Variants in TUT4 observed in about 807,000 individuals in gnomAD.
TUT4 encodes the protein terminal uridylyltransferase 4.
TUT4 carries 36 observed loss-of-function variants against 192.2 expected under a neutral mutation model. The observed-to-expected ratio is 0.19, with a 90% confidence interval of 0.14 to 0.25. TUT4 has a LOEUF of 0.25. Ranked by LOEUF, TUT4 falls within the 10% of genes least tolerant of loss-of-function variation. TUT4 has a pLI of 1.00. For synonymous variants in TUT4, 618 were observed against 666.0 expected (o/e 0.93, Z 1.11); for missense variants, 1,493 against 1,957.2 (o/e 0.76, Z 4.47).
At chr1:52,503,250 G>C (rs1286653126) in intron 4 of TUT4, among the ~76,000 whole-genome samples, 1 of 152,046 alleles carries the variant, frequency 6.6e-6, no homozygotes, top group African/African-American at 2.4e-5. Flanking sequence ...ACTGTGCTAA[G>C]ATGGGAAAAA....
At chr1:52,546,476 T>C (rs2149740465) in intron 1 of TUT4, among the ~76,000 whole-genome samples, 1 of 152,264 alleles carries the variant, frequency 6.6e-6, no homozygotes, top group South Asian at 2.1e-4. Context: ...ATATGAGGTA[T>C]TTAGAGTAGT....
intron 2 of TUT4, among the ~76,000 whole-genome samples, chr1:52,522,512 T>G (rs1680548215): frequency 6.6e-6 from 1 of 152,350 alleles, no homozygotes; most frequent in African/African-American, 2.4e-5. Flanking sequence ...GATAAGCAGT[T>G]TATTGAAGGT....
intron 2 of TUT4, among the ~76,000 whole-genome samples, chr1:52,517,489 C>G (rs1679023138): frequency 6.6e-6 from 1 of 152,212 alleles, no homozygotes; most frequent in Non-Finnish European, 1.5e-5. Context: ...GGAACCCTGA[C>G]AGTCAAGCCT....
chr1:52,532,538 T>G (rs1278853369), intron 1 of TUT4, among the ~76,000 whole-genome samples: 1 of 152,120 alleles, frequency 6.6e-6, no homozygotes, highest in African/African-American at 2.4e-5. Flanking sequence ...CTCGAACTCC[T>G]GGGCTCAAGC....
Position 52,525,922 on chromosome 1 carries a change from T to C in TUT4, c.359A>G (p.Lys120Arg), listed in dbSNP as rs376422804. The C allele has an allele frequency of 6.2e-7, 1 of 1,614,136 alleles. No homozygotes were observed. The highest frequency in any genetic ancestry group is 2.2e-5 in the East Asian group (1 of 44,878). ...KATISQAKSE[K>R]ATSLQAKAEK... is the part of the protein sequence containing the mutation. ...TGCTTTTGCCTGTAAACTGGTTGCC[T>C]TTTCTGATTTTGCCTGTGAAATGGT... Residue 120 changes from lysine (K) to arginine (R), a missense_variant, in exon 2 of 30, where the codon AAG becomes AGG. Coordinates refer to ENST00000257177, the MANE Select transcript of TUT4 (RefSeq NM_001009881.3).
intron 12 of TUT4, among the ~76,000 whole-genome samples, chr1:52,475,765 A>G (rs897555932): frequency 4.6e-5 from 7 of 152,190 alleles, no homozygotes; most frequent in Non-Finnish European, 1.5e-5. Context: ...AAACAAGACT[A>G]ATAATAAGGT....
intron 4 of TUT4, among the ~76,000 whole-genome samples, chr1:52,503,167 C>T (rs1674633129): frequency 6.6e-6 from 1 of 152,132 alleles, no homozygotes; most frequent in Non-Finnish European, 1.5e-5. Flanking sequence ...GTTCTAACTC[C>T]AACCCGTATG....
At position 52,461,191 on chromosome 1, in the gene TUT4, A is replaced by G. The variant is rs188117993; in HGVS notation, c.3264T>C (p.Tyr1088=). Residue 1088 remains tyrosine, a synonymous_variant, in exon 19 of 30, where the codon TAT becomes TAC. Transcript: ENST00000257177. ...AQHNTRMLAT[Y]AAIDPRVQYL... The stretch of plus-strand genomic sequence containing the variant: ...ACTGCACTCTAGGATCAATAGCTGC[A>G]TAAGTAGCTAGCATTCTTGTGTTAT... The G allele has an allele frequency of 1.3e-4, 215 of 1,608,378 alleles. 1 individual carries two copies. The African/African-American group carries it at 1.4e-3, about 10-fold the overall frequency.
chr1:52,543,457 C>G (rs143838325), intron 1 of TUT4, among the ~76,000 whole-genome samples: 71 of 150,954 alleles, frequency 4.7e-4, no homozygotes, highest in Non-Finnish European at 9.1e-4. Context: ...GAAACACATT[C>G]TATGTCCACA....
At chr1:52,447,414 AC>A (rs1657844625) in intron 20 of TUT4, among the ~76,000 whole-genome samples, 1 of 150,872 alleles carries the variant, frequency 6.6e-6, no homozygotes, top group Non-Finnish European at 1.5e-5. Context: ...GTGCCACTGC[AC>A]TCCAGCCTGG....
At chr1:52,548,840 G>C (rs1688711766) in intron 1 of TUT4, among the ~76,000 whole-genome samples, 1 of 152,202 alleles carries the variant, frequency 6.6e-6, no homozygotes, top group Non-Finnish European at 1.5e-5. Context: ...AAACTTGCAT[G>C]AATAGCGTCT....
At chr1:52,473,881 T>C (rs1442918946) in intron 13 of TUT4, among the ~76,000 whole-genome samples, 5 of 152,168 alleles carry the variant, frequency 3.3e-5, no homozygotes, top group Non-Finnish European at 7.4e-5. Context: ...TTTTTTCCTA[T>C]GATTTTAAAT....
At chr1:52,528,992 A>G (rs190949443) in intron 1 of TUT4, among the ~76,000 whole-genome samples, 13 of 152,204 alleles carry the variant, frequency 8.5e-5, no homozygotes, top group Non-Finnish European at 1.6e-4. Flanking sequence ...GGATTACAGG[A>G]ATGAGCCACC....
chr1:52,509,453 C>T, intron 4 of TUT4, 143 bp downstream of exon 4: 1 of 606,346 alleles, frequency 1.6e-6, no homozygotes, highest in South Asian at 2.1e-5. Flanking sequence ...ATAAGGAAGG[C>T]AACAATTGCT....
At chr1:52,488,164 C>T (rs1352706386) in intron 9 of TUT4, among the ~76,000 whole-genome samples, 2 of 152,164 alleles carry the variant, frequency 1.3e-5, no homozygotes, top group Non-Finnish European at 2.9e-5. Context: ...ACAAAAAATT[C>T]CAGAGACTTC....
intron 16 of TUT4, among the ~76,000 whole-genome samples, chr1:52,464,582 T>C (rs763263755): frequency 4.1e-4 from 62 of 152,148 alleles, no homozygotes; most frequent in Non-Finnish European, 7.2e-4. Flanking sequence ...ACATTGCTTC[T>C]ATGGAAAAAA....
chr1:52,443,457 C>T (rs367812023), intron 24 of TUT4, among the ~76,000 whole-genome samples: 8 of 151,410 alleles, frequency 5.3e-5, no homozygotes, highest in Non-Finnish European at 7.4e-5. Flanking sequence ...GGTGTGGTGG[C>T]GCGTGCCTGT....
chr1:52,493,539 T>C (rs1471164537), intron 7 of TUT4, 72 bp downstream of exon 7: 3 of 1,109,576 alleles, frequency 2.7e-6, no homozygotes, highest in African/African-American at 1.6e-5. Flanking sequence ...GTTAGCCATA[T>C]ATAAACAACA....
At chr1:52,431,668 GCCCAGACATGGTT>G (rs889856281) in intron 27 of TUT4, 17 of 366,496 alleles carry the variant, frequency 4.6e-5, no homozygotes, top group African/African-American at 3.6e-4. Flanking sequence ...AGAAACGAGA[GCCCAGACATGGTT>G]CCCATCGTGC....
Sources: allele counts gnomAD v4.1 joint callset (sites outside exome capture counted in the v4.1 genomes callset), GRCh38; gene constraint gnomAD v4.1.1; transcripts MANE v1.5; gene names NCBI Gene and HGNC (gene_info 2026-07-23, HGNC 2026-07-21).